Variants in PLAGL2 observed in about 807,000 individuals in gnomAD.
PLAGL2 encodes the protein zinc finger protein PLAGL2.
A neutral mutation model predicts 29.0 loss-of-function variants in PLAGL2; 7 were observed. The ratio of observed to expected loss-of-function variants is 0.24; its 90% CI spans 0.14 to 0.45. The LOEUF is 0.45. Ranked by LOEUF, PLAGL2 falls within the 20% of genes least tolerant of loss-of-function variation. The pLI is 0.99. For missense variants in PLAGL2, 454 were observed against 648.2 expected (o/e 0.70, Z 3.25); for synonymous variants, 234 against 266.0 (o/e 0.88, Z 1.17).
In PLAGL2 at chr20:32,202,266, G is replaced by A. The variant is rs1411086554; in HGVS notation, c.-88C>T. The A allele has an allele frequency of 7.4e-6, 10 of 1,354,152 alleles. No individual in the cohort carries two copies. Among genetic ancestry groups the A allele is most frequent in the African/African-American group, 1.5e-5 (1 of 68,832 alleles). The allele number at this position is 1,354,152 out of a possible 1,614,324, so 83.9% of individuals were successfully genotyped here. ...TCTCAGCTCTGTCACAGCCTCCAAC[G>A]CAGCTTTCAGAAAACAATCTCTTCA... On this transcript the variant is annotated 5_prime_UTR_variant, in exon 2 of 3. Transcript: ENST00000246229.
chr20:32,202,546 G>C (rs2047265360), intron 1 of PLAGL2, among the ~76,000 whole-genome samples: 1 of 152,260 alleles, frequency 6.6e-6, no homozygotes, highest in African/African-American at 2.4e-5. Context: ...CATCCATTAA[G>C]TGCTTAGTGG....
intron 1 of PLAGL2, among the ~76,000 whole-genome samples, chr20:32,206,871 T>C (rs180975524): frequency 1.0e-3 from 153 of 152,226 alleles, no homozygotes; most frequent in African/African-American, 3.4e-3. Flanking sequence ...GGGAGAAGTC[T>C]GGAGGGAGTC....
chr20:32,196,806 G>A lies in PLAGL2; in HGVS notation c.1137C>T (p.Pro379=), dbSNP rs764312348. Residue 379 remains proline, a synonymous_variant, in exon 3 of 3, where the codon CCC becomes CCT. Coordinates refer to ENST00000246229, the MANE Select transcript of PLAGL2 (RefSeq NM_002657.3). ...SLSLSSAEPQ[P]ASPQPAAAAA... ...CAGCTGCCGCCGGCTGAGGTGAGGC[G>A]GGCTGGGGTTCAGCGGATGAGAGAG... 5.6e-5 allele frequency: 91 copies of A among 1,612,778 alleles called. No homozygotes were observed. In the East Asian group the frequency reaches 1.5e-3, roughly 26 times the overall value.
chr20:32,199,346 G>C (rs757732024), intron 2 of PLAGL2, among the ~76,000 whole-genome samples: 1 of 152,192 alleles, frequency 6.6e-6, no homozygotes, highest in Non-Finnish European at 1.5e-5. Context: ...AACTGACGTG[G>C]TAATGTAGAG....
At position 32,195,181 on chromosome 20, in the gene PLAGL2, G is replaced by A. The variant is rs1331578035; in HGVS notation, c.*1271C>T. On this transcript the variant is annotated 3_prime_UTR_variant, in exon 3 of 3. Transcript: ENST00000246229. ...GAGACAGAAGGGACATTGTGGATAA[G>A]GAAAATTTTGGTTTGGGACACAACA... is the stretch of plus-strand genomic sequence containing the variant. The A allele has an allele frequency of 6.6e-6, 1 of 152,270 alleles. No homozygotes were observed. The highest frequency in any genetic ancestry group is 1.5e-5 in the Non-Finnish European group (1 of 68,038). 9.4% of individuals were successfully genotyped at this position (152,270 alleles called of 1,614,324 possible). A position where few individuals can be genotyped will look rare whatever the true frequency, so the allele number is the denominator to read the frequency against.
intron 1 of PLAGL2, among the ~76,000 whole-genome samples, chr20:32,205,720 T>C (rs763998714): frequency 6.6e-6 from 1 of 152,196 alleles, no homozygotes; most frequent in Non-Finnish European, 1.5e-5. Context: ...ATTATTTTAG[T>C]GAGGTATGCA....
At chr20:32,204,006 A>C (rs547100279) in intron 1 of PLAGL2, among the ~76,000 whole-genome samples, 1 of 152,276 alleles carries the variant, frequency 6.6e-6, no homozygotes, top group Admixed American at 6.5e-5. Flanking sequence ...TAAACCTCAA[A>C]GGCCTGTGAC....
At chr20:32,202,953 G>A (rs2047267163) in intron 1 of PLAGL2, among the ~76,000 whole-genome samples, 1 of 152,180 alleles carries the variant, frequency 6.6e-6, no homozygotes, top group African/African-American at 2.4e-5. Flanking sequence ...GTCCCATCCT[G>A]ACCACCACCA....
chr20:32,195,926 G>A lies in PLAGL2; in HGVS notation c.*526C>T, dbSNP rs2047225243. On this transcript the variant is annotated 3_prime_UTR_variant, in exon 3 of 3. Transcript: ENST00000246229. Reference sequence around the variant, plus strand: ...GAAAACGGAGGTGCTGGTACAGGAGGAATGGGTGGGCGAGAAATAAAGGCC... The same window carrying A: ...GAAAACGGAGGTGCTGGTACAGGAGAAATGGGTGGGCGAGAAATAAAGGCC... 1 of 152,786 alleles carries A rather than the reference G, an allele frequency of 6.5e-6. No homozygotes were observed. The highest frequency in any genetic ancestry group is 6.5e-5 in the Admixed American group (1 of 15,284). The allele number at this position is 152,786 out of a possible 1,614,324, so 9.5% of individuals were successfully genotyped here. A position where few individuals can be genotyped will look rare whatever the true frequency, so the allele number is the denominator to read the frequency against.
rs1275169847 is a variant in PLAGL2, at chr20:32,195,997, C to T, written c.*455G>A. 2.6e-5 allele frequency: 4 copies of T among 153,164 alleles called. No individual in the cohort carries two copies. In the Admixed American group the frequency reaches 2.6e-4, roughly 10 times the overall value. The allele number at this position is 153,164 out of a possible 1,614,324, so 9.5% of individuals were successfully genotyped here. A position where few individuals can be genotyped will look rare whatever the true frequency, so the allele number is the denominator to read the frequency against. ...GGAAGCAGGCAATGGAGCCAAGTGA[C>T]CTTCTACAGCAGGGCCTGACCAACT... On this transcript the variant is annotated 3_prime_UTR_variant, in exon 3 of 3. Transcript: ENST00000246229.
At chr20:32,204,683 G>A (rs1354002062) in intron 1 of PLAGL2, among the ~76,000 whole-genome samples, 1 of 152,132 alleles carries the variant, frequency 6.6e-6, no homozygotes, top group East Asian at 1.9e-4. Context: ...GTCTCTCTCT[G>A]CCCTTTGTCT....
chr20:32,199,899 A>G (rs1266324345), intron 2 of PLAGL2, among the ~76,000 whole-genome samples: 1 of 152,164 alleles, frequency 6.6e-6, no homozygotes, highest in Non-Finnish European at 1.5e-5. Context: ...CCCTTAACTT[A>G]TAGGAGCACA....
At chr20:32,199,672 T>C (rs566511324) in intron 2 of PLAGL2, among the ~76,000 whole-genome samples, 1 of 152,230 alleles carries the variant, frequency 6.6e-6, no homozygotes, top group South Asian at 2.1e-4. Context: ...ATCCTGTCTC[T>C]AGGAAACATG....
Position 32,196,552 on chromosome 20 carries a change from C to T in PLAGL2, c.1391G>A (p.Gly464Glu). 1 of 1,542,966 alleles carries T rather than the reference C, an allele frequency of 6.5e-7. No homozygotes were observed. Among genetic ancestry groups the T allele is most frequent in the East Asian group, 2.2e-5 (1 of 44,462 alleles). Residue 464 changes from glycine (G) to glutamate (E), a missense_variant, in exon 3 of 3, where the codon GGG becomes GAG. By Grantham distance (98) the Gly-to-Glu change is moderately conservative (BLOSUM62 -2). Around this residue, in one of 4 missense-constraint regions of PLAGL2, gnomAD observed 247 missense variants for 350.3 expected, o/e 0.71. Transcript: ENST00000246229. ...CAGAGGCCCAAAGTTCAGTGGTCCC[C>T]CAGCTCCTGGGGAATCTTGAGGCTG... ...QAQPQDSPGAGGPLNFGPLHS... is the reference protein window; with the variant it reads ...QAQPQDSPGAEGPLNFGPLHS...
rs560120766 is a variant in PLAGL2 at position 32,193,560 on chromosome 20, C to T, written c.*2892G>A. 6 of 152,434 alleles carry T rather than the reference C, an allele frequency of 3.9e-5. No homozygotes were observed. The highest frequency in any genetic ancestry group is 1.4e-4 in the African/African-American group (6 of 41,546). 9.4% of individuals were successfully genotyped at this position (152,434 alleles called of 1,614,324 possible). ...TGTGTAGGGTGGGAGGGGGACAGCT[C>T]ATTGCTGGCAGAGGCTGGAGGTGGC... On this transcript the variant is annotated 3_prime_UTR_variant, in exon 3 of 3. Transcript: ENST00000246229.
chr20:32,201,852 GCAGA>G, intron 2 of PLAGL2, 63 bp downstream of exon 2: 6 of 1,392,558 alleles, frequency 4.3e-6, no homozygotes, highest in Middle Eastern at 2.4e-4. Flanking sequence ...CCCACACTAG[GCAGA>G]GTCTCTCTGC....
Position 32,197,369 on chromosome 20 carries a change from G to A in PLAGL2, c.574C>T (p.Pro192Ser). 3 of 1,608,912 alleles carry A rather than the reference G, an allele frequency of 1.9e-6. No homozygotes were observed. The highest frequency in any genetic ancestry group is 2.5e-6 in the Non-Finnish European group (3 of 1,178,184). ...VAGGAKEKKH[P>S]CDHCDRRFYT... The stretch of plus-strand genomic sequence containing the variant: ...AACCGCCGGTCGCAGTGGTCACAGG[G>A]GTGCTTCTTCTCCTTGGCACCGCCT... Residue 192 changes from proline (P) to serine (S), a missense_variant, in exon 3 of 3, where the codon CCC becomes TCC. Physicochemically the swap from Pro to Ser is moderately conservative, Grantham distance 74 (BLOSUM62 -1). This residue lies in a region of PLAGL2 where 111 missense variants were observed against 173.1 expected (regional missense o/e 0.64). Transcript: ENST00000246229. The surrounding 1 kb of genome is among the most constrained non-coding windows in gnomAD (Gnocchi z 6.6).
At position 32,195,135 on chromosome 20, in the gene PLAGL2, C is replaced by T. The variant is rs1485069891; in HGVS notation, c.*1317G>A. Reference sequence around the variant, plus strand: ...AGCAGAGAAGCCTATGCACAGTGGCCGAGTCCACTGTAAAGTGGAAGAGAC... The same window carrying T: ...AGCAGAGAAGCCTATGCACAGTGGCTGAGTCCACTGTAAAGTGGAAGAGAC... On this transcript the variant is annotated 3_prime_UTR_variant, in exon 3 of 3. Coordinates refer to ENST00000246229, the MANE Select transcript of PLAGL2 (RefSeq NM_002657.3). 1 of 152,116 alleles carries T rather than the reference C, an allele frequency of 6.6e-6. No individual in the cohort carries two copies. The highest frequency in any genetic ancestry group is 2.4e-5 in the African/African-American group (1 of 41,354). The allele number at this position is 152,116 out of a possible 1,614,324, so 9.4% of individuals were successfully genotyped here.
rs749288721 is a variant in PLAGL2, at chr20:32,202,190, T to C, written c.-12A>G. 3 of 1,613,544 alleles carry C rather than the reference T, an allele frequency of 1.9e-6. No homozygotes were observed. Among genetic ancestry groups the C allele is most frequent in the South Asian group, 1.1e-5 (1 of 91,078 alleles). ...AAAAATGTGGTCATGGCAAGGCTAA[T>C]GGCAAAGGGCCATGTTATTGAGAAA... On this transcript the variant is annotated 5_prime_UTR_variant, in exon 2 of 3. Coordinates refer to ENST00000246229, the MANE Select transcript of PLAGL2 (RefSeq NM_002657.3).
Sources: gnomAD v4.1 joint callset for allele counts (sites outside exome capture counted in the v4.1 genomes callset) on GRCh38, gnomAD v4.1.1 for gene constraint, gnomAD v4.1.1 regional missense constraint, Gnocchi (gnomAD v3.1) non-coding constraint, MANE v1.5 for transcripts, NCBI Gene and HGNC (gene_info 2026-07-23, HGNC 2026-07-21) for gene names.